The following PLEKHO2 variants were observed in gnomAD, a reference collection of about 807,000 sequenced individuals.
PLEKHO2 encodes the protein pleckstrin homology domain containing O2.
Under a neutral mutation model 32.7 loss-of-function variants are expected in PLEKHO2, and 20 were observed. The observed-to-expected ratio is 0.61, with a 90% CI of 0.43 to 0.89. The LOEUF (loss-of-function observed/expected upper bound fraction) is 0.89. Ranked by LOEUF, PLEKHO2 falls within the 40% of genes least tolerant of loss-of-function variation. The pLI is 0.00. For synonymous variants in PLEKHO2, 247 were observed against 246.3 expected (o/e 1.00, Z -0.03); for missense variants, 568 against 621.2 (o/e 0.91, Z 0.91).
At chr15:64,844,755 C>T (rs1006572838) in intron 1 of PLEKHO2, among the ~76,000 whole-genome samples, 25 of 152,262 alleles carry the variant, frequency 1.6e-4, no homozygotes, top group East Asian at 1.2e-3. Context: ...TGTCTCTTCC[C>T]CTGCTCAGAG....
intron 3 of PLEKHO2, among the ~76,000 whole-genome samples, chr15:64,855,745 AG>A (rs2084602431): frequency 6.6e-6 from 1 of 152,176 alleles, no homozygotes; most frequent in Non-Finnish European, 1.5e-5. Flanking sequence ...TGGCATGCAC[AG>A]CACCTCTCGC....
At chr15:64,856,897 C>G (rs189785902) in intron 3 of PLEKHO2, among the ~76,000 whole-genome samples, 2 of 152,214 alleles carry the variant, frequency 1.3e-5, no homozygotes, top group South Asian at 4.1e-4. Flanking sequence ...GGCCTCCAGC[C>G]GGCCAGGAGG....
chr15:64,858,554 A>C (rs1363769655), intron 3 of PLEKHO2, among the ~76,000 whole-genome samples: 1 of 152,176 alleles, frequency 6.6e-6, no homozygotes, highest in African/African-American at 2.4e-5. Flanking sequence ...CTGAGCACCT[A>C]CTATGTGCCA....
At chr15:64,854,048 A>G (rs1219175882) in intron 2 of PLEKHO2, among the ~76,000 whole-genome samples, 1 of 152,196 alleles carries the variant, frequency 6.6e-6, no homozygotes, top group Non-Finnish European at 1.5e-5. Context: ...AGAGTGCCAC[A>G]CCCAGGAAGT....
At position 64,865,541 on chromosome 15, in the gene PLEKHO2, C is replaced by G; in HGVS notation, c.1126C>G (p.Pro376Ala). Residue 376 changes from proline (P) to alanine (A), a missense_variant, in exon 6 of 6, where the codon CCC (proline) becomes GCC (alanine). By Grantham distance (27) the Pro-to-Ala change is conservative (BLOSUM62 -1). Coordinates refer to ENST00000323544, the MANE Select transcript of PLEKHO2 (RefSeq NM_025201.5). Reference sequence around the variant, plus strand: ...GGATGCAACAACATCCACAGCACTGCCCCCCTGGGACCTGCCACCTCAGTT... The same window carrying G: ...GGATGCAACAACATCCACAGCACTGGCCCCCTGGGACCTGCCACCTCAGTT... ...PKDATTSTAL[P>A]PWDLPPQFHP... is the part of the protein sequence containing the mutation. 1 of 1,614,066 alleles carries G rather than the reference C, an allele frequency of 6.2e-7. No homozygotes were observed.
intron 5 of PLEKHO2, among the ~76,000 whole-genome samples, chr15:64,863,175 A>G (rs1208485688): frequency 1.3e-5 from 2 of 152,006 alleles, no homozygotes; most frequent in Non-Finnish European, 2.9e-5. Flanking sequence ...AGACCTCGTG[A>G]TCTGCCCACT....
intron 2 of PLEKHO2, among the ~76,000 whole-genome samples, chr15:64,853,165 G>A (rs936006478): frequency 1.3e-4 from 20 of 151,428 alleles, no homozygotes; most frequent in African/African-American, 4.4e-4. Flanking sequence ...AAAAAAATTC[G>A]CATCCATCAA....
intron 3 of PLEKHO2, among the ~76,000 whole-genome samples, chr15:64,857,997 T>G (rs371742430): frequency 6.6e-6 from 1 of 152,330 alleles, no homozygotes; most frequent in African/African-American, 2.4e-5. Context: ...ACACCAGCTC[T>G]GAGCCTGTGA....
intron 3 of PLEKHO2, 92 bp from the exon 4 acceptor site, chr15:64,859,802 G>T: frequency 9.2e-7 from 1 of 1,083,924 alleles, no homozygotes; most frequent in South Asian, 1.3e-5. Context: ...ATTTTGGTTT[G>T]ACTTTGGGAT....
chr15:64,865,331 G>A lies in PLEKHO2; in HGVS notation c.916G>A (p.Gly306Ser), dbSNP rs1165338934. ...GACTTCTGAGGCTGCCCCCAGGGAG[G>A]GTGGGAAGCCCCCTACACCCCCACC... is the stretch of plus-strand genomic sequence containing the variant. Reference protein sequence around the residue: ...SETSEAAPREGGKPPTPPPKI... With the variant: ...SETSEAAPRESGKPPTPPPKI... Residue 306 changes from glycine (G) to serine (S), a missense_variant, in exon 6 of 6, where the codon GGT becomes AGT. Gly to Ser is a moderately conservative substitution (Grantham distance 56, BLOSUM62 0). Coordinates refer to ENST00000323544, the MANE Select transcript of PLEKHO2 (RefSeq NM_025201.5). 3.7e-6 allele frequency: 6 copies of A among 1,613,854 alleles called. No homozygotes were observed. The highest frequency in any genetic ancestry group is 4.5e-5 in the East Asian group (2 of 44,880).
chr15:64,866,886 A>G lies in PLEKHO2; in HGVS notation c.*998A>G, dbSNP rs1439876061. 1 of 152,692 alleles carries G rather than the reference A, an allele frequency of 6.5e-6. No individual in the cohort carries two copies. The highest frequency in any genetic ancestry group is 1.5e-5 in the Non-Finnish European group (1 of 68,402). The allele number at this position is 152,692 out of a possible 1,614,324, so 9.5% of individuals were successfully genotyped here. A position where few individuals can be genotyped will look rare whatever the true frequency, so the allele number is the denominator to read the frequency against. On this transcript the variant is annotated 3_prime_UTR_variant, in exon 6 of 6. Transcript: ENST00000323544. ...CATTTCTTCAAATGCTGATAGGGGT[A>G]TGTTGGAATCCGAAGCCACTTCCCC...
At chr15:64,845,758 G>A (rs1024445307) in intron 1 of PLEKHO2, among the ~76,000 whole-genome samples, 3 of 152,212 alleles carry the variant, frequency 2.0e-5, no homozygotes, top group African/African-American at 7.2e-5. Flanking sequence ...CAGTGATCTA[G>A]GCACAAGTTC....
intron 4 of PLEKHO2, among the ~76,000 whole-genome samples, chr15:64,860,793 C>G (rs2084635721): frequency 6.6e-6 from 1 of 152,186 alleles, no homozygotes; most frequent in Non-Finnish European, 1.5e-5. Context: ...TGGGACATAT[C>G]ATAGATATTG....
chr15:64,842,860 A>G (rs144385944), intron 1 of PLEKHO2, among the ~76,000 whole-genome samples: 30 of 152,342 alleles, frequency 2.0e-4, no homozygotes, highest in African/African-American at 7.0e-4. Flanking sequence ...CCGAGGGTCC[A>G]GCACGCAGCA....
intron 3 of PLEKHO2, 52 bp from the exon 4 acceptor site, chr15:64,859,842 A>G (rs950590122): frequency 6.6e-7 from 1 of 1,504,984 alleles, no homozygotes; most frequent in Non-Finnish European, 9.2e-7. Context: ...TAAGATGCCA[A>G]ATGTGAGCTT....
chr15:64,862,244 G>A (rs1440426436), intron 5 of PLEKHO2, among the ~76,000 whole-genome samples: 4 of 152,140 alleles, frequency 2.6e-5, no homozygotes, highest in African/African-American at 9.7e-5. Flanking sequence ...TGAGGCTCTG[G>A]GTAGGATGGG....
At chr15:64,853,967 C>T (rs143212538) in intron 2 of PLEKHO2, among the ~76,000 whole-genome samples, 2 of 152,256 alleles carry the variant, frequency 1.3e-5, no homozygotes, top group Non-Finnish European at 2.9e-5. Context: ...AACTTTTTGG[C>T]CCGTCCCAGG....
chr15:64,862,045 T>C (rs1436393593), intron 5 of PLEKHO2, among the ~76,000 whole-genome samples: 2 of 152,100 alleles, frequency 1.3e-5, no homozygotes, highest in Non-Finnish European at 2.9e-5. Flanking sequence ...CTTGGTGGAC[T>C]TGGAGTCAGG....
At chr15:64,862,731 A>G (rs1336483643) in intron 5 of PLEKHO2, among the ~76,000 whole-genome samples, 1 of 152,170 alleles carries the variant, frequency 6.6e-6, no homozygotes, top group Non-Finnish European at 1.5e-5. Flanking sequence ...GGGCAGGACC[A>G]AGGACAAGGC....
Sources: gnomAD v4.1 joint callset for allele counts (sites outside exome capture counted in the v4.1 genomes callset) on GRCh38, gnomAD v4.1.1 for gene constraint, MANE v1.5 for transcripts, NCBI Gene and HGNC (gene_info 2026-07-23, HGNC 2026-07-21) for gene names.